The following CDH2 variants were observed in gnomAD, a reference collection of about 807,000 sequenced individuals.
CDH2 encodes cadherin-2.
In CDH2, 17 loss-of-function variants were observed where a neutral mutation model predicts 92.0. The observed-to-expected ratio is 0.18, with a 90% confidence interval of 0.13 to 0.28. CDH2 has a LOEUF of 0.28. Among genes scored for constraint, CDH2 ranks in the 10% least tolerant of loss-of-function variants. CDH2 has a pLI of 1.00. For missense variants in CDH2, 862 were observed against 1,133.1 expected (o/e 0.76, Z 3.44); for synonymous variants, 419 against 415.9 (o/e 1.01, Z -0.09).
chr18:27,987,582 T>C (rs1016676661), intron 11 of CDH2, among the ~76,000 whole-genome samples: 4 of 152,210 alleles, frequency 2.6e-5, no homozygotes, highest in African/African-American at 9.6e-5. Context: ...AGTACCAACA[T>C]TCATATTCAT....
At chr18:28,151,566 T>C (rs7233193) in intron 1 of CDH2, among the ~76,000 whole-genome samples, 4,602 of 152,240 alleles carry the variant, frequency 0.03, 247 homozygotes, top group African/African-American at 0.11. Flanking sequence ...TGAGGATCAC[T>C]GTCTGCTCAA....
intron 1 of CDH2, 65 bp downstream of exon 1, chr18:28,176,898 C>A: frequency 2.0e-6 from 2 of 986,924 alleles, no homozygotes; most frequent in Non-Finnish European, 2.5e-6. Flanking sequence ...GCGCGGGGAA[C>A]AAAGGGACCC....
chr18:28,062,206 T>C (rs1489647162), intron 2 of CDH2, among the ~76,000 whole-genome samples: 1 of 152,230 alleles, frequency 6.6e-6, no homozygotes, highest in African/African-American at 2.4e-5. Context: ...TTAATATTTT[T>C]CTAGCCATTT....
At chr18:28,010,855 T>A (rs924831962) in intron 4 of CDH2, among the ~76,000 whole-genome samples, 1 of 151,760 alleles carries the variant, frequency 6.6e-6, no homozygotes, top group Non-Finnish European at 1.5e-5. Flanking sequence ...TTTCATCGTG[T>A]TAGTCAGGAT....
chr18:28,141,049 A>T (rs765360548), intron 2 of CDH2, among the ~76,000 whole-genome samples: 3 of 151,818 alleles, frequency 2.0e-5, no homozygotes, highest in Admixed American at 6.6e-5. Context: ...GTATGTGGAG[A>T]AATTGGAATC....
chr18:28,036,452 TA>T, intron 2 of CDH2: 1 of 1,206,644 alleles, frequency 8.3e-7, no homozygotes, highest in Non-Finnish European at 1.2e-6. Context: ...ATGGAATGAA[TA>T]AGGCAATTTT....
chr18:28,116,690 C>T (rs1351475304), intron 2 of CDH2, among the ~76,000 whole-genome samples: 1 of 152,110 alleles, frequency 6.6e-6, no homozygotes, highest in Non-Finnish European at 1.5e-5. Flanking sequence ...TGTCATTTCC[C>T]TGTTTGTCTT....
At chr18:28,144,771 T>C (rs1004102418) in intron 2 of CDH2, among the ~76,000 whole-genome samples, 5 of 152,088 alleles carry the variant, frequency 3.3e-5, no homozygotes, top group African/African-American at 1.2e-4. Flanking sequence ...ATTCATGTGA[T>C]ATTACATTAA....
At chr18:27,950,294 G>A (rs1909384407), downstream of CDH2, among the ~76,000 whole-genome samples, 1 of 152,108 alleles carries the variant, frequency 6.6e-6, no homozygotes, top group Non-Finnish European at 1.5e-5. Flanking sequence ...ATGGTGTGAT[G>A]ATTAAGAAAC....
At chr18:28,165,180 C>CTAG (rs1363384854) in intron 1 of CDH2, among the ~76,000 whole-genome samples, 2 of 152,156 alleles carry the variant, frequency 1.3e-5, no homozygotes, top group Non-Finnish European at 2.9e-5. Flanking sequence ...ACTTCTCTTT[C>CTAG]TATTATTATT....
At position 27,989,345 on chromosome 18, in the gene CDH2, G is replaced by A. The variant is rs770312379; in HGVS notation, c.1599-679C>T. ...GAAAAGGTATGCTATGTTTGGAAAG[G>A]TACAAGTTGTAGGATTTCAATACAT... On this transcript the variant is annotated intron_variant, in intron 10 of 15. Transcript: ENST00000269141. 5.3e-5 allele frequency among the ~76,000 whole-genome samples: 8 copies of A among 152,266 alleles called. No individual in the cohort carries two copies. The South Asian group carries it at 8.3e-4, about 16-fold the overall frequency.
rs546856507 is a variant in CDH2, at chr18:28,147,595, G to A, written c.172+78C>T. 8.2e-6 allele frequency: 7 copies of A among 849,400 alleles called. No individual in the cohort carries two copies. The East Asian group carries it at 1.7e-4, about 21-fold the overall frequency. The allele number at this position is 849,400 out of a possible 1,614,324, so 52.6% of individuals were successfully genotyped here. A position where few individuals can be genotyped will look rare whatever the true frequency, so the allele number is the denominator to read the frequency against. On this transcript the variant is annotated intron_variant, in intron 2 of 15. Transcript: ENST00000269141. ...TTCATACTTGTTATACAGTAGAAAT[G>A]ATTTAGGCTTTTTTAATGGCTAATT...
intron 15 of CDH2, among the ~76,000 whole-genome samples, chr18:27,956,061 C>G (rs7506132): frequency 6.6e-6 from 1 of 152,066 alleles, no homozygotes; most frequent in African/African-American, 2.4e-5. Context: ...CACTGAAGTC[C>G]TAAGAAACTG....
At chr18:28,007,193 T>TATATATATACAC (rs778626652) in intron 5 of CDH2, among the ~76,000 whole-genome samples, 2 of 142,182 alleles carry the variant, frequency 1.4e-5, no homozygotes, top group African/African-American at 5.3e-5. Flanking sequence ...TATATATATA[T>TATATATATACAC]ACGAGTATAT....
intron 14 of CDH2, among the ~76,000 whole-genome samples, chr18:27,980,790 G>T (rs1305693867): frequency 7.0e-6 from 1 of 143,810 alleles, no homozygotes; most frequent in Non-Finnish European, 1.5e-5. Flanking sequence ...AGTTTGGCTG[G>T]GGTCAAAAAA....
chr18:28,167,056 C>T (rs2144363443), intron 1 of CDH2, among the ~76,000 whole-genome samples: 1 of 152,116 alleles, frequency 6.6e-6, no homozygotes, highest in East Asian at 1.9e-4. Flanking sequence ...TGGGTAAAGC[C>T]TTGTTGAAAA....
intron 2 of CDH2, among the ~76,000 whole-genome samples, chr18:28,117,178 C>G (rs1431736304): frequency 6.6e-6 from 1 of 152,014 alleles, no homozygotes; most frequent in African/African-American, 2.4e-5. Context: ...AAAAAGGCAT[C>G]CACTCACATA....
chr18:28,147,942 G>C (rs1438465281), intron 1 of CDH2, among the ~76,000 whole-genome samples, 158 bp from the exon 2 acceptor site: 1 of 152,120 alleles, frequency 6.6e-6, no homozygotes, highest in East Asian at 1.9e-4. Context: ...GAGGGCAAAG[G>C]GTTAATCATT....
chr18:28,042,293 T>G (rs192305275), intron 2 of CDH2, among the ~76,000 whole-genome samples: 2 of 152,192 alleles, frequency 1.3e-5, no homozygotes, highest in African/African-American at 4.8e-5. Context: ...GTTTTATTAC[T>G]TTAGTAGCAT....
Sources: gnomAD v4.1 joint callset for allele counts (sites outside exome capture counted in the v4.1 genomes callset) on GRCh38, gnomAD v4.1.1 for gene constraint, MANE v1.5 for transcripts, NCBI Gene and HGNC (gene_info 2026-07-23, HGNC 2026-07-21) for gene names.